Variants in TMOD4 observed in about 807,000 individuals in gnomAD.
The protein encoded by TMOD4 is tropomodulin-4.
A neutral mutation model predicts 45.4 loss-of-function variants in TMOD4; 34 were observed. That is an observed-to-expected ratio of 0.75 (90% CI 0.57 to 1.00). TMOD4 has a LOEUF of 1.00. Ranked by LOEUF, TMOD4 falls within the 50% of genes least tolerant of loss-of-function variation. The pLI is 0.00. For missense variants in TMOD4, 399 were observed against 437.5 expected (o/e 0.91, Z 0.78); for synonymous variants, 131 against 153.9 (o/e 0.85, Z 1.10).
rs757957617 is a variant in TMOD4 at position 151,171,666 on chromosome 1, C to T, written c.585G>A (p.Lys195=). The T allele has an allele frequency of 6.2e-7, 1 of 1,614,036 alleles. No individual in the cohort carries two copies. Among genetic ancestry groups the T allele is most frequent in the Non-Finnish European group, 8.5e-7 (1 of 1,180,004 alleles). The part of the protein sequence containing the change: ...EILKRVRSND[K]ELEEVNLNNI... ...TATTCAAGTTCACCTCCTCCAGCTC[C>T]TTGTCATTGCTTCGGACCCTCTTTA... is the stretch of plus-strand genomic sequence containing the variant. The change falls in exon 6 of 10, where the codon AAG becomes AAA. Residue 195 remains lysine, a synonymous_variant. Coordinates refer to ENST00000295314, the MANE Select transcript of TMOD4 (RefSeq NM_013353.3).
rs1033912257 is a variant in TMOD4, at chr1:151,170,060, T to C, written c.*21A>G. 6.2e-7 allele frequency: 1 copy of C among 1,613,970 alleles called. No homozygotes were observed. Among genetic ancestry groups the C allele is most frequent in the Non-Finnish European group, 8.5e-7 (1 of 1,179,858 alleles). On this transcript the variant is annotated 3_prime_UTR_variant, in exon 10 of 10. Coordinates refer to ENST00000295314, the MANE Select transcript of TMOD4 (RefSeq NM_013353.3). ...AAGTGTCCAGTGCTCCCAGCGCTAG[T>C]TGGTAAAGGGAAATGCAGTGTTATC...
rs750379295 is a variant in TMOD4 at position 151,171,732 on chromosome 1, C to G, written c.519G>C (p.Val173=). 1 of 1,614,064 alleles carries G rather than the reference C, an allele frequency of 6.2e-7. No homozygotes were observed. The highest frequency in any genetic ancestry group is 1.1e-5 in the South Asian group (1 of 91,064). Reference sequence around the variant, plus strand: ...TTGTGGGATTTGGGGGTTCATCCGGCACTGGCTTATACTTGTCAGGCTGTA... The same window carrying G: ...TTGTGGGATTTGGGGGTTCATCCGGGACTGGCTTATACTTGTCAGGCTGTA... ...SVVQPDKYKP[V]PDEPPNPTNI... Residue 173 remains valine, a synonymous_variant, in exon 6 of 10, where the codon GTG becomes GTC. Transcript: ENST00000295314.
Position 151,173,550 on chromosome 1 carries a change from G to C in TMOD4, c.346C>G (p.Leu116Val). ...GTGGCATGTGCCAGTGCCTCCTCCAGCTCAGGCTCCAGGGTGATCTGCTCC... is the reference window on the plus strand; with the variant it reads ...GTGGCATGTGCCAGTGCCTCCTCCACCTCAGGCTCCAGGGTGATCTGCTCC... Reference protein sequence around the residue: ...AEEQITLEPELEEALAHATDA... With the variant: ...AEEQITLEPEVEEALAHATDA... The change falls in exon 4 of 10, where the codon CTG (leucine) becomes GTG (valine). Residue 116 changes from leucine to valine, a missense_variant. By Grantham distance (32) the Leu-to-Val change is conservative. Coordinates refer to ENST00000295314, the MANE Select transcript of TMOD4 (RefSeq NM_013353.3). 2 of 1,614,164 alleles carry C rather than the reference G, an allele frequency of 1.2e-6. No individual in the cohort carries two copies. The highest frequency in any genetic ancestry group is 1.1e-5 in the South Asian group (1 of 91,084).
At chr1:151,172,390 T>A in intron 4 of TMOD4, 33 bp from the exon 5 acceptor site, 1 of 1,535,874 alleles carries the variant, frequency 6.5e-7, no homozygotes, top group Non-Finnish European at 9.0e-7. Flanking sequence ...TCACAGGGAA[T>A]GAGAAGGAAC....
Position 151,174,886 on chromosome 1 carries a change from AC to A in TMOD4, c.-12del, listed in dbSNP as rs140304462. ...CTGATATGATGACATGGTGGCCCCC[AC>A]CCCCTCCCCACTGTGTGGTACTCAC... On this transcript the variant is annotated 5_prime_UTR_variant, in exon 2 of 10. Transcript: ENST00000295314. 1.9e-6 allele frequency: 3 copies of A among 1,611,090 alleles called. No homozygotes were observed. In the South Asian group the frequency reaches 3.3e-5, roughly 18 times the overall value.
chr1:151,173,740 C>A, intron 3 of TMOD4, 125 bp from the exon 4 acceptor site: 1 of 705,188 alleles, frequency 1.4e-6, no homozygotes, highest in South Asian at 1.7e-5. Flanking sequence ...AAGCCTGAGT[C>A]CTCTACAAAC....
At position 151,172,166 on chromosome 1, in the gene TMOD4, G is replaced by A. The variant is rs1683980642; in HGVS notation, c.487+102C>T. 4.1e-6 allele frequency: 4 copies of A among 970,028 alleles called. No individual in the cohort carries two copies. In the African/African-American group the frequency reaches 4.8e-5, roughly 12 times the overall value. The allele number at this position is 970,028 out of a possible 1,614,324, so 60.1% of individuals were successfully genotyped here. A position where few individuals can be genotyped will look rare whatever the true frequency, so the allele number is the denominator to read the frequency against. ...GGTTTTCTTATCACTCATGCAGCAT[G>A]TCCTCTCCCAGAATCATCAATTTCA... On this transcript the variant is annotated intron_variant, in intron 5 of 9. Transcript: ENST00000295314.
intron 5 of TMOD4, 112 bp downstream of exon 5, chr1:151,172,156 C>G: frequency 1.1e-6 from 1 of 894,770 alleles, no homozygotes; most frequent in Admixed American, 2.1e-5. Context: ...TCTTATCACT[C>G]ATGCAGCATG....
intron 9 of TMOD4, 113 bp from the exon 10 acceptor site, chr1:151,170,216 G>T: frequency 1.6e-6 from 2 of 1,278,694 alleles, no homozygotes. Flanking sequence ...AGTGTCTTAG[G>T]CCACCTTACA....
At position 151,173,502 on chromosome 1, in the gene TMOD4, C is replaced by T. The variant is rs1424844823; in HGVS notation, c.394G>A (p.Ala132Thr). 6.2e-7 allele frequency: 1 copy of T among 1,612,996 alleles called. No homozygotes were observed. ...HATDAEMCDI[A>T]AILDMYTLMS... ...TCAACTTCCCACAGCTACCCACCTG[C>T]AATGTCACACATTTCAGCATCTGTG... The change falls in exon 4 of 10, where the codon GCA becomes ACA. Residue 132 changes from alanine to threonine, a missense_variant. Coordinates refer to ENST00000295314, the MANE Select transcript of TMOD4 (RefSeq NM_013353.3).
At position 151,174,861 on chromosome 1, in the gene TMOD4, C is replaced by T; in HGVS notation, c.15G>A (p.Gln5=). The T allele has an allele frequency of 6.2e-7, 1 of 1,614,202 alleles. No homozygotes were observed. The highest frequency in any genetic ancestry group is 8.5e-7 in the Non-Finnish European group (1 of 1,180,036). The change falls in exon 2 of 10, where the codon CAG becomes CAA. Residue 5 remains glutamine, a synonymous_variant. Coordinates refer to ENST00000295314, the MANE Select transcript of TMOD4 (RefSeq NM_013353.3). MSSY[Q]KELEKYRDID... is the part of the protein sequence containing the mutation. ...TGTCTCTGTATTTCTCCAGTTCCTT[C>T]TGATATGATGACATGGTGGCCCCCA...
intron 7 of TMOD4, 51 bp from the exon 8 acceptor site, chr1:151,171,114 T>C: frequency 6.3e-7 from 1 of 1,591,388 alleles, no homozygotes; most frequent in Non-Finnish European, 8.6e-7. Context: ...CACAGATGAC[T>C]GAGGAAAGAA....
chr1:151,170,132 G>C (rs767646729), intron 9 of TMOD4, 29 bp from the exon 10 acceptor site: 1 of 1,613,896 alleles, frequency 6.2e-7, no homozygotes, highest in Non-Finnish European at 8.5e-7. Flanking sequence ...AAACATAAGT[G>C]TTTGTTCCAG....
intron 1 of TMOD4, 70 bp downstream of exon 1, chr1:151,175,854 T>A (rs1184673645): frequency 6.6e-6 from 1 of 152,124 alleles, no homozygotes; most frequent in African/African-American, 2.4e-5. Flanking sequence ...TCATTCCCCA[T>A]AGGAGCCACT....
At chr1:151,173,351 T>C (rs1189213244) in intron 4 of TMOD4, 148 bp downstream of exon 4, 4 of 658,356 alleles carry the variant, frequency 6.1e-6, no homozygotes, top group East Asian at 2.6e-5. Context: ...AATAAATATA[T>C]AAACAAACAA....
rs747816307 is a variant in TMOD4 at position 151,170,086 on chromosome 1, T to C, written c.1033A>G (p.Arg345Gly). The change falls in exon 10 of 10, where the codon AGA becomes GGA. Residue 345 changes from arginine to glycine, a missense_variant. By Grantham distance (125) the Arg-to-Gly change is moderately radical. Coordinates refer to ENST00000295314, the MANE Select transcript of TMOD4 (RefSeq NM_013353.3). ...NNELRRQQKKR is the reference protein window; with the variant it reads ...NNELRRQQKKG Reference sequence around the variant, plus strand: ...TGGTAAAGGGAAATGCAGTGTTATCTCTTCTTTTGCTGGCGACCTGTAAAG... The same window carrying C: ...TGGTAAAGGGAAATGCAGTGTTATCCCTTCTTTTGCTGGCGACCTGTAAAG... 1 of 1,614,224 alleles carries C rather than the reference T, an allele frequency of 6.2e-7. No homozygotes were observed. The highest frequency in any genetic ancestry group is 8.5e-7 in the Non-Finnish European group (1 of 1,180,030).
chr1:151,174,076 C>T (rs587735669), intron 3 of TMOD4, among the ~76,000 whole-genome samples: 11 of 152,150 alleles, frequency 7.2e-5, no homozygotes, highest in African/African-American at 1.7e-4. Context: ...ATTAGCCGGG[C>T]GTGGTGGTGG....
chr1:151,171,000 T>C lies in TMOD4; in HGVS notation c.790A>G (p.Ile264Val). ...LQSLNIESNF[I>V]SSTGLMAVLK... ...ACAGCCATGAGTCCTGTGCTGCTAA[T>C]GAAGTTGGATTCGATGTTTAGGCTC... Residue 264 changes from isoleucine (I) to valine (V), a missense_variant, in exon 8 of 10, where the codon ATT becomes GTT. Coordinates refer to ENST00000295314, the MANE Select transcript of TMOD4 (RefSeq NM_013353.3). 6.2e-7 allele frequency: 1 copy of C among 1,614,196 alleles called. No individual in the cohort carries two copies. The highest frequency in any genetic ancestry group is 1.3e-5 in the African/African-American group (1 of 75,042).
Position 151,173,570 on chromosome 1 carries a change from T to G in TMOD4, c.326A>C (p.Gln109Pro). ...CTCCAGCTCAGGCTCCAGGGTGATC[T>G]GCTCCTCTGCTGGGATTTCCCTCTT... is the stretch of plus-strand genomic sequence containing the variant. ...QPKREIPAEE[Q>P]ITLEPELEEA... Residue 109 changes from glutamine to proline, a missense_variant, in exon 4 of 10, where the codon CAG becomes CCG. Physicochemically the swap from Gln to Pro is moderately conservative, Grantham distance 76. Transcript: ENST00000295314. The G allele has an allele frequency of 6.2e-7, 1 of 1,614,236 alleles. No individual in the cohort carries two copies. The highest frequency in any genetic ancestry group is 1.3e-5 in the African/African-American group (1 of 75,078).
Sources: allele counts gnomAD v4.1 joint callset (sites outside exome capture counted in the v4.1 genomes callset), GRCh38; gene constraint gnomAD v4.1.1; transcripts MANE v1.5; gene names NCBI Gene and HGNC (gene_info 2026-07-23, HGNC 2026-07-21).